Variants in VPS53 observed in about 807,000 individuals in gnomAD.
VPS53 encodes the protein VPS53 subunit of GARP complex, also known as vacuolar protein sorting-associated protein 53 homolog.
A neutral mutation model predicts 107.0 loss-of-function variants in VPS53; 70 were observed. The ratio of observed to expected loss-of-function variants is 0.65; its 90% confidence interval spans 0.54 to 0.80. The LOEUF (loss-of-function observed/expected upper bound fraction) is 0.80. VPS53 is among the 30% of genes least tolerant of loss of function. The pLI is 0.00. For missense variants in VPS53, 917 were observed against 1,049.4 expected (o/e 0.87, Z 1.74); for synonymous variants, 409 against 393.3 (o/e 1.04, Z -0.47).
intron 2 of VPS53, among the ~76,000 whole-genome samples, chr17:709,706 C>T (rs997278941): frequency 4.6e-5 from 7 of 152,104 alleles, no homozygotes; most frequent in Non-Finnish European, 7.4e-5. Flanking sequence ...GGAAACGAAG[C>T]GGGACTCTCA....
At chr17:560,945 G>T (rs1199022824) in intron 14 of VPS53, among the ~76,000 whole-genome samples, 1 of 152,224 alleles carries the variant, frequency 6.6e-6, no homozygotes, top group Non-Finnish European at 1.5e-5. Flanking sequence ...TTTCAGTTAA[G>T]AAAAGTCTGC....
At chr17:607,295 A>AT (rs1357783879) in intron 11 of VPS53, among the ~76,000 whole-genome samples, 1 of 152,188 alleles carries the variant, frequency 6.6e-6, no homozygotes, top group East Asian at 1.9e-4. Context: ...AAATAAAAGC[A>AT]AAGGGCCCAT....
intron 8 of VPS53, among the ~76,000 whole-genome samples, chr17:628,701 T>C (rs982058212): frequency 1.8e-4 from 27 of 152,180 alleles, no homozygotes; most frequent in African/African-American, 6.0e-4. Context: ...GTTCTTAAAG[T>C]GCTATGTTTT....
intron 4 of VPS53, among the ~76,000 whole-genome samples, chr17:680,031 C>A (rs1050070802): frequency 1.3e-5 from 2 of 152,178 alleles, no homozygotes; most frequent in Admixed American, 1.3e-4. Context: ...CGGTGGCTCA[C>A]GCCTGTAATC....
Position 627,193 on chromosome 17 carries a change from C to T in VPS53, c.955G>A (p.Glu319Lys), listed in dbSNP as rs1567687521. 3.1e-6 allele frequency: 5 copies of T among 1,612,758 alleles called. No individual in the cohort carries two copies. Among genetic ancestry groups the T allele is most frequent in the Non-Finnish European group, 4.2e-6 (5 of 1,179,560 alleles). The change falls in exon 10 of 22, where the codon GAA (glutamate) becomes AAA (lysine). Residue 319 changes from glutamate (E) to lysine (K), a missense_variant. Glu to Lys is a moderately conservative substitution (Grantham distance 56, BLOSUM62 1). Coordinates refer to ENST00000437048, the MANE Select transcript of VPS53 (RefSeq NM_001128159.3). ...ATCTACCTTGTCACATGGCAAAATTCCACCGCAATCCTCTCAGCCATGCAC... is the reference window on the plus strand; with the variant it reads ...ATCTACCTTGTCACATGGCAAAATTTCACCGCAATCCTCTCAGCCATGCAC... ...EWCMAERIAV[E>K]FCHVTRAELA...
chr17:623,904 G>GAT (rs1295608890), intron 10 of VPS53, among the ~76,000 whole-genome samples: 3 of 151,588 alleles, frequency 2.0e-5, no homozygotes, highest in East Asian at 1.9e-4. Context: ...GGTCATGGAT[G>GAT]ATATATATAT....
intron 19 of VPS53, among the ~76,000 whole-genome samples, chr17:531,817 C>G (rs946520163): frequency 8.2e-6 from 1 of 121,310 alleles, no homozygotes; most frequent in Non-Finnish European, 1.6e-5. Context: ...CACTCTGTTG[C>G]CCAGGCTGGA....
chr17:537,227 CG>C, intron 17 of VPS53, 51 bp from the exon 18 acceptor site: 5 of 1,594,820 alleles, frequency 3.1e-6, no homozygotes, highest in Non-Finnish European at 4.3e-6. Flanking sequence ...AGAACGGTGT[CG>C]CCTGTTACTG....
intron 16 of VPS53, 31 bp downstream of exon 16, chr17:553,349 G>A (rs781665610): frequency 1.2e-6 from 2 of 1,607,082 alleles, no homozygotes; most frequent in East Asian, 4.5e-5. Context: ...AGAAAGGGCA[G>A]GCAGCCAGTA....
intron 4 of VPS53, among the ~76,000 whole-genome samples, chr17:689,726 C>T (rs1365035932): frequency 3.9e-5 from 6 of 152,096 alleles, no homozygotes; most frequent in Admixed American, 1.3e-4. Flanking sequence ...CGCCCACCTC[C>T]GCCTCCCAAA....
At chr17:624,637 A>T (rs1969612680) in intron 10 of VPS53, among the ~76,000 whole-genome samples, 1 of 152,240 alleles carries the variant, frequency 6.6e-6, no homozygotes, top group African/African-American at 2.4e-5. Flanking sequence ...CACTGCCATT[A>T]GCCGAGACAA....
At chr17:641,720 G>C (rs946940753) in intron 7 of VPS53, among the ~76,000 whole-genome samples, 3 of 152,198 alleles carry the variant, frequency 2.0e-5, no homozygotes, top group African/African-American at 7.2e-5. Context: ...CTCCCAAAGT[G>C]CTAGGATTAC....
At chr17:587,690 A>G (rs1435310212) in intron 12 of VPS53, among the ~76,000 whole-genome samples, 7 of 152,212 alleles carry the variant, frequency 4.6e-5, no homozygotes, top group Admixed American at 4.6e-4. Flanking sequence ...TTCTATTCCT[A>G]ACAAATGTGA....
At chr17:653,092 T>A (rs1971022125) in intron 7 of VPS53, 199 bp downstream of exon 7, 1 of 985,172 alleles carries the variant, frequency 1.0e-6, no homozygotes, top group Admixed American at 6.2e-5. Context: ...ATACTTTCCC[T>A]CCAGTGACAG....
chr17:704,381 C>T (rs1357338366), intron 2 of VPS53, among the ~76,000 whole-genome samples: 1 of 152,200 alleles, frequency 6.6e-6, no homozygotes, highest in Non-Finnish European at 1.5e-5. Flanking sequence ...TCTCACCCTC[C>T]TCCTCACAGT....
At chr17:527,809 G>A (rs200157175) in intron 19 of VPS53, among the ~76,000 whole-genome samples, 8 of 152,194 alleles carry the variant, frequency 5.3e-5, no homozygotes, top group East Asian at 3.9e-4. Flanking sequence ...ATGGGGTCTC[G>A]CTGTGTTGCC....
At chr17:567,467 A>G (rs531802094) in intron 13 of VPS53, among the ~76,000 whole-genome samples, 1 of 151,876 alleles carries the variant, frequency 6.6e-6, no homozygotes, top group African/African-American at 2.4e-5. Context: ...CGTAAGGCTC[A>G]TTAGTTTTGA....
intron 19 of VPS53, among the ~76,000 whole-genome samples, chr17:522,115 G>T (rs555567692): frequency 6.6e-6 from 1 of 152,018 alleles, no homozygotes; most frequent in African/African-American, 2.4e-5. Flanking sequence ...TTAGCCAGGC[G>T]TGGGGGTGCG....
At chr17:642,892 G>GC (rs1284716815) in intron 7 of VPS53, among the ~76,000 whole-genome samples, 1 of 142,296 alleles carries the variant, frequency 7.0e-6, no homozygotes, top group Non-Finnish European at 1.6e-5. Flanking sequence ...CTCATACTTG[G>GC]AAATCGAGGA....
Sources: gnomAD v4.1 joint callset for allele counts (sites outside exome capture counted in the v4.1 genomes callset) on GRCh38, gnomAD v4.1.1 for gene constraint, MANE v1.5 for transcripts, NCBI Gene and HGNC (gene_info 2026-07-23, HGNC 2026-07-21) for gene names.